MAP3K1: variants seen among roughly 807,000 people sequenced by gnomAD.
MAP3K1 encodes the protein MAP/ERK kinase kinase 1.
In MAP3K1, 36 loss-of-function variants were observed where a neutral mutation model predicts 144.2. The observed-to-expected ratio is 0.25, with a 90% confidence interval of 0.19 to 0.33. MAP3K1 has a LOEUF of 0.33. Ranked by LOEUF, MAP3K1 falls within the 10% of genes least tolerant of loss-of-function variation. MAP3K1 has a pLI of 1.00. For missense variants in MAP3K1, 1,650 were observed against 1,881.9 expected (o/e 0.88, Z 2.28); for synonymous variants, 718 against 688.7 (o/e 1.04, Z -0.67).
In MAP3K1 at chr5:56,895,610, A is replaced by G. The variant is rs1225915719; in HGVS notation, c.*1930A>G. On this transcript the variant is annotated 3_prime_UTR_variant, in exon 20 of 20. Transcript: ENST00000399503. The stretch of plus-strand genomic sequence containing the variant: ...CAAACTCAAACTATCTGTAGATTTC[A>G]AAATCCATTGTGTTTGAGTTTGTTT... The G allele has an allele frequency of 4.3e-6, 1 of 232,406 alleles. No individual in the cohort carries two copies. The highest frequency in any genetic ancestry group is 5.6e-5 in the Admixed American group (1 of 17,776). 14.4% of individuals were successfully genotyped at this position (232,406 alleles called of 1,614,324 possible). A position where few individuals can be genotyped will look rare whatever the true frequency, so the allele number is the denominator to read the frequency against.
intron 1 of MAP3K1, among the ~76,000 whole-genome samples, chr5:56,852,790 C>A (rs761612768): frequency 6.6e-5 from 10 of 152,082 alleles, no homozygotes; most frequent in Non-Finnish European, 1.3e-4. Flanking sequence ...GCTCTCATCT[C>A]CCAGTGACTT....
chr5:56,818,138 C>T (rs1746037336), intron 1 of MAP3K1, among the ~76,000 whole-genome samples: 1 of 152,074 alleles, frequency 6.6e-6, no homozygotes, highest in Non-Finnish European at 1.5e-5. Context: ...ATTCCCTAAC[C>T]TTATGAAATA....
At chr5:56,881,307 T>C (rs764819113) in intron 13 of MAP3K1, 35 bp downstream of exon 13, 1 of 1,552,278 alleles carries the variant, frequency 6.4e-7, no homozygotes, top group Non-Finnish European at 8.9e-7. Flanking sequence ...TACTTGTATC[T>C]TCCTACCCTC....
chr5:56,878,615 A>T (rs371056126), intron 10 of MAP3K1, among the ~76,000 whole-genome samples: 1 of 152,130 alleles, frequency 6.6e-6, no homozygotes, highest in Non-Finnish European at 1.5e-5. Flanking sequence ...GTGGGTTGCA[A>T]CCCAGTACTA....
chr5:56,839,840 G>C (rs998601570), intron 1 of MAP3K1, among the ~76,000 whole-genome samples: 1 of 152,198 alleles, frequency 6.6e-6, no homozygotes, highest in African/African-American at 2.4e-5. Context: ...CTGGCACCCT[G>C]AATTGTTGGG....
intron 15 of MAP3K1, 121 bp from the exon 16 acceptor site, chr5:56,884,543 T>C: frequency 1.2e-6 from 1 of 866,462 alleles, no homozygotes; most frequent in Non-Finnish European, 1.9e-6. Context: ...TTAAAGTACA[T>C]TGCATCCATA....
intron 13 of MAP3K1, 23 bp downstream of exon 13, chr5:56,881,295 ATTAC>A: frequency 6.3e-7 from 1 of 1,591,024 alleles, no homozygotes; most frequent in African/African-American, 1.3e-5. Flanking sequence ...CTGAAAATGT[ATTAC>A]TTGTATCTTC....
chr5:56,893,517 CTTT>C lies in MAP3K1; in HGVS notation c.4390-11_4390-9del. The C allele has an allele frequency of 6.2e-7, 1 of 1,613,634 alleles. No homozygotes were observed. Among genetic ancestry groups the C allele is most frequent in the African/African-American group, 1.3e-5 (1 of 75,024 alleles). On this transcript the variant is annotated splice_polypyrimidine_tract_variant and intron_variant, in intron 19 of 19. Coordinates refer to ENST00000399503, the MANE Select transcript of MAP3K1 (RefSeq NM_005921.2). ...CAGTTGTGCAAAGCTTCAACACTGG[CTTT>C]TTCTCCACAGATTGCTAGTGCAACT...
chr5:56,881,005 A>T, intron 12 of MAP3K1, 78 bp from the exon 13 acceptor site: 1 of 1,281,318 alleles, frequency 7.8e-7, no homozygotes. Context: ...TGTTGGCCTT[A>T]CACCATTTAA....
At chr5:56,819,181 T>G (rs1417778489) in intron 1 of MAP3K1, among the ~76,000 whole-genome samples, 1 of 152,222 alleles carries the variant, frequency 6.6e-6, no homozygotes, top group Admixed American at 6.5e-5. Flanking sequence ...TGCCAACTTT[T>G]ATTTTCTTTT....
At chr5:56,838,190 A>G (rs1054783177) in intron 1 of MAP3K1, among the ~76,000 whole-genome samples, 8 of 152,016 alleles carry the variant, frequency 5.3e-5, no homozygotes, top group African/African-American at 1.2e-4. Flanking sequence ...AAGAATATTC[A>G]TATGCATGCC....
intron 6 of MAP3K1, among the ~76,000 whole-genome samples, chr5:56,867,232 T>A (rs765799141): frequency 6.6e-6 from 1 of 152,186 alleles, no homozygotes; most frequent in Non-Finnish European, 1.5e-5. Flanking sequence ...CTCTCTGAGG[T>A]TAAATATATA....
chr5:56,841,778 A>G (rs1315911534), intron 1 of MAP3K1, among the ~76,000 whole-genome samples: 1 of 152,186 alleles, frequency 6.6e-6, no homozygotes, highest in Non-Finnish European at 1.5e-5. Context: ...CTTAAGTTCC[A>G]AAAAGGTTGT....
At position 56,887,656 on chromosome 5, in the gene MAP3K1, AATAAT is replaced by A. The variant is rs1376221175; in HGVS notation, c.4257+139_4257+143del. 1.8e-5 allele frequency: 17 copies of A among 927,692 alleles called. No homozygotes were observed. In the Admixed American group the frequency reaches 3.0e-4, roughly 16 times the overall value. 57.5% of individuals were successfully genotyped at this position (927,692 alleles called of 1,614,324 possible). On this transcript the variant is annotated intron_variant, in intron 18 of 19. Transcript: ENST00000399503. ...TCCGTGGCCCTTAAAATACGGTTTT[AATAAT>A]ATCTTTCAGACCCTTATTCTCGACC...
chr5:56,840,158 GT>G (rs963384301), intron 1 of MAP3K1, among the ~76,000 whole-genome samples: 53 of 152,006 alleles, frequency 3.5e-4, no homozygotes, highest in African/African-American at 1.0e-3. Context: ...TTTGTTTTTT[GT>G]TTTTTTGAGA....
intron 10 of MAP3K1, among the ~76,000 whole-genome samples, chr5:56,876,522 G>A (rs1748036596): frequency 6.6e-6 from 1 of 152,128 alleles, no homozygotes. Context: ...TCACAATTGA[G>A]TGATCTCATA....
chr5:56,867,436 A>T (rs1451213466), intron 6 of MAP3K1, among the ~76,000 whole-genome samples: 1 of 152,228 alleles, frequency 6.6e-6, no homozygotes, highest in Non-Finnish European at 1.5e-5. Context: ...GCCCAAAACA[A>T]TAATAAAAGA....
intron 7 of MAP3K1, 74 bp from the exon 8 acceptor site, chr5:56,872,567 T>A: frequency 1.1e-6 from 1 of 873,330 alleles, no homozygotes; most frequent in East Asian, 2.6e-5. Flanking sequence ...ATTCTATAAT[T>A]ATAAACAGTT....
At chr5:56,854,919 A>G (rs1747291832) in intron 1 of MAP3K1, among the ~76,000 whole-genome samples, 1 of 152,164 alleles carries the variant, frequency 6.6e-6, no homozygotes, top group East Asian at 1.9e-4. Context: ...CTCTTGCAAC[A>G]TTGTTACTGG....
Sources: gnomAD v4.1 joint callset for allele counts (sites outside exome capture counted in the v4.1 genomes callset) on GRCh38, gnomAD v4.1.1 for gene constraint, MANE v1.5 for transcripts, NCBI Gene and HGNC (gene_info 2026-07-23, HGNC 2026-07-21) for gene names.